The following IDH3G variants were observed in gnomAD, a reference collection of about 807,000 sequenced individuals.
The protein encoded by IDH3G is isocitrate dehydrogenase [NAD] subunit gamma, mitochondrial.
Under a neutral mutation model 26.9 loss-of-function variants are expected in IDH3G, and 9 were observed. That is an observed-to-expected ratio of 0.34 (90% CI 0.20 to 0.58). IDH3G has a LOEUF of 0.58. Among genes scored for constraint, IDH3G ranks in the 20% least tolerant of loss-of-function variants. IDH3G has a pLI of 0.85. For missense variants in IDH3G, 250 were observed against 372.8 expected, an observed-to-expected ratio of 0.67 and a Z score of 2.71; for synonymous variants, 181 against 160.0, an observed-to-expected ratio of 1.13 and a Z score of -0.99.
chrX:153,786,780 G>A (rs782391831), intron 10 of IDH3G, 21 bp downstream of exon 10: 84 of 1,193,367 alleles, frequency 7.0e-5, no homozygotes, highest in Middle Eastern at 4.7e-4. Flanking sequence ...GGCAAGCCGC[G>A]GCACTGCCAC....
Position 153,788,028 on chromosome X carries a change from C to G in IDH3G, c.407+47G>C. 5 of 1,208,009 alleles carry G rather than the reference C, an allele frequency of 4.1e-6. No homozygotes were observed. The South Asian group carries it at 7.0e-5, about 17-fold the overall frequency. On this transcript the variant is annotated intron_variant, in intron 6 of 12. Coordinates refer to ENST00000217901, the MANE Select transcript of IDH3G (RefSeq NM_004135.4). ...CTGGAGCCAGACTCCACTGGCTCAC[C>G]CCACCTTAGCCCCACCAAGCCCCCA...
intron 1 of IDH3G, chrX:153,791,100 G>A: frequency 2.8e-6 from 1 of 363,226 alleles, no homozygotes; most frequent in Non-Finnish European, 4.8e-6. Flanking sequence ...TTTCTTAAAA[G>A]GCGTGTCCCT....
chrX:153,786,039 G>GC (rs782140197), intron 12 of IDH3G, 66 bp from the exon 13 acceptor site: 291 of 1,207,282 alleles, frequency 2.4e-4, no homozygotes, highest in Non-Finnish European at 3.2e-4. Context: ...CCTGTGACGT[G>GC]CAGGACTGGG....
chrX:153,790,885 T>C (rs782727969), intron 1 of IDH3G, 34 bp from the exon 2 acceptor site: 1 of 1,193,290 alleles, frequency 8.4e-7, no homozygotes, highest in South Asian at 1.8e-5. Flanking sequence ...GTTGGTTTGA[T>C]GTCTAACCCA....
At position 153,794,375 on chromosome X, in the gene IDH3G, C is replaced by G; in HGVS notation, c.-49G>C. The G allele has an allele frequency of 1.7e-6, 2 of 1,163,115 alleles. No individual in the cohort carries two copies. The highest frequency in any genetic ancestry group is 1.9e-5 in the South Asian group (1 of 52,970). On this transcript the variant is annotated 5_prime_UTR_variant, in exon 1 of 13. Coordinates refer to ENST00000217901, the MANE Select transcript of IDH3G (RefSeq NM_004135.4). ...CGTCCCGACACGCAGATACCGCTCT[C>G]GCGAGAGTTCGACGGGGTGCGAAGT...
intron 5 of IDH3G, chrX:153,789,306 G>A (rs2092100405): frequency 3.3e-6 from 1 of 305,260 alleles, no homozygotes; most frequent in African/African-American, 2.7e-5. Context: ...AACACTTTGA[G>A]AGGCTGAGGC....
rs782451041 is a variant in IDH3G, at chrX:153,786,268, G to A, written c.1024C>T (p.His342Tyr). ...TTACGGATGGAGGTGGCATAGGAGT[G>A]CAGCCTAGAGGATGGGACAGCCAGC... ...SCMMLDHLKLHSYATSIRKAV... is the reference protein window; with the variant it reads ...SCMMLDHLKLYSYATSIRKAV... Residue 342 changes from histidine (H) to tyrosine (Y), a missense_variant, in exon 12 of 13, where the codon CAC becomes TAC. By Grantham distance (83) the His-to-Tyr change is moderately conservative (BLOSUM62 2). Transcript: ENST00000217901. 84 of 1,203,686 alleles carry A rather than the reference G, an allele frequency of 7.0e-5. No homozygotes were observed. The highest frequency in any genetic ancestry group is 3.1e-4 in the African/African-American group (18 of 57,335).
chrX:153,789,851 TG>T (rs1216050205), intron 4 of IDH3G, 27 bp from the exon 5 acceptor site: 1 of 1,015,214 alleles, frequency 9.9e-7, no homozygotes, highest in African/African-American at 1.9e-5. Context: ...TCAGGGAGGC[TG>T]GCCCAGACCC....
At position 153,786,894 on chromosome X, in the gene IDH3G, G is replaced by C. The variant is rs1603255144; in HGVS notation, c.831C>G (p.Gly277=). The change falls in exon 10 of 13, where the codon GGC becomes GGG. Residue 277 remains glycine (G), a synonymous_variant. Coordinates refer to ENST00000217901, the MANE Select transcript of IDH3G (RefSeq NM_004135.4). ...CCGCGCAGACATTGTTGACGATGTT[G>C]CCATAGAGATTGGGCATCACCATGA... ...FDVMVMPNLY[G]NIVNNVCAGL... is the part of the protein sequence containing the mutation. 3 of 1,210,906 alleles carry C rather than the reference G, an allele frequency of 2.5e-6. No individual in the cohort carries two copies. The highest frequency in any genetic ancestry group is 5.9e-5 in the East Asian group (2 of 33,835).
Position 153,794,302 on chromosome X carries a change from C to T in IDH3G, c.25G>A (p.Ala9Thr). ...AGCACCGCCTTCGCGGCGCTGCCGGCGACGGTCGCTACCTTCAGCGCCATG... is the reference window on the plus strand; with the variant it reads ...AGCACCGCCTTCGCGGCGCTGCCGGTGACGGTCGCTACCTTCAGCGCCATG... MALKVATV[A>T]GSAAKAVLGP... Residue 9 changes from alanine (A) to threonine (T), a missense_variant, in exon 1 of 13, where the codon GCC becomes ACC. Around this residue, in one of 2 missense-constraint regions of IDH3G, gnomAD observed 49 missense variants for 41.5 expected, o/e 1.18. Transcript: ENST00000217901. 6.7e-6 allele frequency: 8 copies of T among 1,198,665 alleles called. No individual in the cohort carries two copies. The highest frequency in any genetic ancestry group is 9.0e-6 in the Non-Finnish European group (8 of 890,705).
At chrX:153,793,019 C>A (rs1295316121) in intron 1 of IDH3G, among the ~76,000 whole-genome samples, 2 of 112,202 alleles carry the variant, frequency 1.8e-5, no homozygotes, top group African/African-American at 6.5e-5. Flanking sequence ...GCATGTTTTC[C>A]TATGGCGTCC....
At chrX:153,794,058 C>T (rs1282780861) in intron 1 of IDH3G, 188 bp downstream of exon 1, 7 of 463,332 alleles carry the variant, frequency 1.5e-5, no homozygotes, top group Non-Finnish European at 2.4e-5. Flanking sequence ...CTGGGGGAGC[C>T]GGTCCAGGGC....
intron 5 of IDH3G, chrX:153,789,061 G>A: frequency 3.0e-6 from 1 of 337,595 alleles, no homozygotes; most frequent in Non-Finnish European, 6.0e-6. Flanking sequence ...GGGGTGGGAG[G>A]GAACCCATCA....
Position 153,786,467 on chromosome X carries a change from A to C in IDH3G, c.925-18T>G, listed in dbSNP as rs782132449. The C allele has an allele frequency of 7.1e-6, 8 of 1,121,564 alleles. No homozygotes were observed. Among genetic ancestry groups the C allele is most frequent in the South Asian group, 1.9e-5 (1 of 51,395 alleles). 92.4% of individuals were successfully genotyped at this position (1,121,564 alleles called of 1,213,427 possible). Reference sequence around the variant, plus strand: ...CTCGTAGCCTGGGGAGGCAAGACGAAGGAGAGTGGGTGGAGGGCAGAAGGA... The same window carrying C: ...CTCGTAGCCTGGGGAGGCAAGACGACGGAGAGTGGGTGGAGGGCAGAAGGA... On this transcript the variant is annotated intron_variant, in intron 10 of 12. Coordinates refer to ENST00000217901, the MANE Select transcript of IDH3G (RefSeq NM_004135.4).
intron 12 of IDH3G, 67 bp downstream of exon 12, chrX:153,786,145 C>A (rs782665219): frequency 1.7e-6 from 2 of 1,199,822 alleles, no homozygotes; most frequent in Non-Finnish European, 2.3e-6. Flanking sequence ...GTGCATGAGG[C>A]GGGCTACAGG....
chrX:153,787,447 G>A lies in IDH3G; in HGVS notation c.674+17C>T. ...CAGCTGCTTCTGGACTGCTCGCAGAGAGGTCAGGGGACATACATGATGTTG... is the reference window on the plus strand; with the variant it reads ...CAGCTGCTTCTGGACTGCTCGCAGAAAGGTCAGGGGACATACATGATGTTG... On this transcript the variant is annotated intron_variant, in intron 8 of 12. Transcript: ENST00000217901. 8.3e-7 allele frequency: 1 copy of A among 1,207,528 alleles called. No individual in the cohort carries two copies. The highest frequency in any genetic ancestry group is 1.1e-6 in the Non-Finnish European group (1 of 893,027).
At chrX:153,786,129 T>C (rs199921492) in intron 12 of IDH3G, 83 bp downstream of exon 12, 30 of 1,196,964 alleles carry the variant, frequency 2.5e-5, no homozygotes, top group Non-Finnish European at 3.2e-5. Context: ...CTGGGGGCTG[T>C]GGTCAGTGCA....
At chrX:153,791,439 C>T (rs1472152258) in intron 1 of IDH3G, 1 of 112,849 alleles carries the variant, frequency 8.9e-6, no homozygotes, top group African/African-American at 3.2e-5. Context: ...GTAGGGACAT[C>T]CAGCCATTTC....
intron 1 of IDH3G, among the ~76,000 whole-genome samples, chrX:153,792,926 A>C (rs370143902): frequency 6.2e-5 from 7 of 112,483 alleles, no homozygotes; most frequent in African/African-American, 2.3e-4. Flanking sequence ...ATGGAAAGAA[A>C]GAACATCCAC....
Sources: allele counts gnomAD v4.1 joint callset (sites outside exome capture counted in the v4.1 genomes callset), GRCh38; gene constraint gnomAD v4.1.1; regional missense constraint gnomAD v4.1.1; transcripts MANE v1.5; gene names NCBI Gene and HGNC (gene_info 2026-07-23, HGNC 2026-07-21).